Variants in DOCK8 observed in about 807,000 individuals in gnomAD.
DOCK8 encodes the protein dedicator of cytokinesis 8.
DOCK8 carries 141 observed loss-of-function variants against 245.6 expected under a neutral mutation model. That is an observed-to-expected ratio of 0.57 (90% CI 0.50 to 0.66). The LOEUF is 0.66. Ranked by LOEUF, DOCK8 falls within the 30% of genes least tolerant of loss-of-function variation. The pLI, the probability that DOCK8 is intolerant of heterozygous loss-of-function variation, is 0.00. For synonymous variants in DOCK8, 1,168 were observed against 970.2 expected (o/e 1.20, Z -3.79); for missense variants, 2,965 against 2,603.4 (o/e 1.14, Z -3.02).
At chr9:403,976 G>GTGTATATATATATA in intron 26 of DOCK8, among the ~76,000 whole-genome samples, 1 of 66,898 alleles carries the variant, frequency 1.5e-5, no homozygotes, top group Non-Finnish European at 2.5e-5. Flanking sequence ...ATATATATAT[G>GTGTATATATATATA]TGTATATATA....
At chr9:389,387 A>T (rs892851410) in intron 23 of DOCK8, among the ~76,000 whole-genome samples, 8 of 152,222 alleles carry the variant, frequency 5.3e-5, no homozygotes, top group Admixed American at 2.6e-4. Flanking sequence ...GGACTTTCCA[A>T]GCATCTGGCC....
chr9:435,314 C>A (rs564634068), intron 39 of DOCK8, among the ~76,000 whole-genome samples: 3 of 152,212 alleles, frequency 2.0e-5, no homozygotes, highest in African/African-American at 7.2e-5. Context: ...TGGCACCTAG[C>A]CATTATTAAT....
chr9:345,706 T>C (rs988212786), intron 14 of DOCK8, among the ~76,000 whole-genome samples: 35 of 152,312 alleles, frequency 2.3e-4, no homozygotes, highest in African/African-American at 8.2e-4. Flanking sequence ...TCACTGCCTC[T>C]TTTCTTTGCC....
At position 376,993 on chromosome 9, in the gene DOCK8, A is replaced by C. The variant is rs753505087; in HGVS notation, c.2222A>C (p.Lys741Thr). 3.1e-6 allele frequency: 5 copies of C among 1,614,044 alleles called. No individual in the cohort carries two copies. Among genetic ancestry groups the C allele is most frequent in the Non-Finnish European group, 4.2e-6 (5 of 1,179,970 alleles). ...CCTTCGCAGGACAACCACCTGGAGA[A>C]GTTCTTCACCCTCTGCCACTCCCTG... ...SVHTQDNHLEKFFTLCHSLES... is the reference protein window; with the variant it reads ...SVHTQDNHLETFFTLCHSLES... Residue 741 changes from lysine to threonine, a missense_variant, in exon 20 of 48, where the codon AAG becomes ACG. By Grantham distance (78) the Lys-to-Thr change is moderately conservative. Around this residue, in one of 3 missense-constraint regions of DOCK8, gnomAD observed 2,825 missense variants for 2,453.5 expected, o/e 1.15. Transcript: ENST00000432829.
intron 24 of DOCK8, among the ~76,000 whole-genome samples, chr9:395,747 G>C (rs1447454265): frequency 1.3e-5 from 2 of 151,990 alleles, no homozygotes; most frequent in African/African-American, 4.8e-5. Context: ...GAATCTCCTG[G>C]CCCCAAGAAG....
intron 24 of DOCK8, among the ~76,000 whole-genome samples, chr9:393,912 C>T (rs779657896): frequency 1.3e-5 from 2 of 152,102 alleles, no homozygotes; most frequent in Non-Finnish European, 2.9e-5. Context: ...TGGTGAGAGC[C>T]CCCAGGGTAC....
At chr9:400,826 A>T (rs1364399914) in intron 26 of DOCK8, among the ~76,000 whole-genome samples, 5 of 25,578 alleles carry the variant, frequency 2.0e-4, no homozygotes, top group Non-Finnish European at 1.3e-4. Context: ...CACCTCCACC[A>T]TCACCATCAC....
At chr9:301,297 CATGTTAAAAACCCTCA>C (rs1399872849) in intron 4 of DOCK8, among the ~76,000 whole-genome samples, 1 of 152,200 alleles carries the variant, frequency 6.6e-6, no homozygotes, top group East Asian at 1.9e-4. Context: ...AACATCCCTT[CATGTTAAAAACCCTCA>C]ACAAATTAGG....
rs182244511 is a variant in DOCK8 at position 244,154 on chromosome 9, C to G, written c.54-27473C>G. On this transcript the variant is annotated intron_variant, in intron 1 of 47. Coordinates refer to ENST00000432829, the MANE Select transcript of DOCK8 (RefSeq NM_203447.4). ...AGTGAGCAGAGATCGCGCCACTGCA[C>G]TCCAGCCTGGGTGACAGAGCCAGAC... 1.5e-4 allele frequency among the ~76,000 whole-genome samples: 22 copies of G among 146,010 alleles called. No homozygotes were observed. The East Asian group carries it at 4.5e-3, about 30-fold the overall frequency.
intron 1 of DOCK8, among the ~76,000 whole-genome samples, chr9:239,313 G>C (rs471756): frequency 0.57 from 86,353 of 152,000 alleles, 24,852 homozygotes; most frequent in East Asian, 0.78. Flanking sequence ...TTCCCCTGGA[G>C]CTCACATTTT....
intron 39 of DOCK8, among the ~76,000 whole-genome samples, chr9:439,028 A>G (rs1422758836): frequency 6.6e-6 from 1 of 152,194 alleles, no homozygotes; most frequent in East Asian, 1.9e-4. Flanking sequence ...CTAATGGTTA[A>G]AAAGAAAAAC....
At chr9:215,484 A>T in intron 1 of DOCK8, 1 of 1,470,454 alleles carries the variant, frequency 6.8e-7, no homozygotes, top group Non-Finnish European at 9.0e-7. Flanking sequence ...GCAGGCTGCA[A>T]GCCTTCTGTC....
At chr9:302,758 A>G (rs879859030) in intron 4 of DOCK8, among the ~76,000 whole-genome samples, 1 of 152,328 alleles carries the variant, frequency 6.6e-6, no homozygotes, top group Middle Eastern at 3.4e-3. Flanking sequence ...GCTTAACATC[A>G]CTAATCATTA....
intron 4 of DOCK8, among the ~76,000 whole-genome samples, chr9:290,796 T>G (rs889963601): frequency 6.6e-6 from 1 of 152,196 alleles, no homozygotes; most frequent in Non-Finnish European, 1.5e-5. Flanking sequence ...TATACCTCAG[T>G]AAGAATTACT....
intron 4 of DOCK8, 34 bp downstream of exon 4, chr9:289,615 A>G: frequency 6.5e-7 from 1 of 1,544,464 alleles, no homozygotes; most frequent in Non-Finnish European, 8.9e-7. Context: ...TTGTATATAA[A>G]TATTAATTTT....
chr9:331,673 GC>G (rs1416039299), intron 9 of DOCK8, among the ~76,000 whole-genome samples: 6 of 152,198 alleles, frequency 3.9e-5, no homozygotes, highest in Non-Finnish European at 5.9e-5. Flanking sequence ...TAAATATGGT[GC>G]CCAAATTTAT....
chr9:212,726 A>C (rs2046639497), upstream of DOCK8: 1 of 152,226 alleles, frequency 6.6e-6, no homozygotes, highest in Non-Finnish European at 1.5e-5. Flanking sequence ...CCAAATACTA[A>C]ATCTATTGCA....
chr9:457,592 G>C (rs1392255361), intron 46 of DOCK8, among the ~76,000 whole-genome samples: 1 of 152,186 alleles, frequency 6.6e-6, no homozygotes, highest in Non-Finnish European at 1.5e-5. Context: ...ATTGGCCTGG[G>C]AGCAGCAGGA....
At chr9:438,211 G>T in intron 39 of DOCK8, among the ~76,000 whole-genome samples, 1 of 152,216 alleles carries the variant, frequency 6.6e-6, no homozygotes, top group African/African-American at 2.4e-5. Context: ...AGGCCAGAAG[G>T]CAGACAGCTT....
Sources: gnomAD v4.1 joint callset for allele counts (sites outside exome capture counted in the v4.1 genomes callset) on GRCh38, gnomAD v4.1.1 for gene constraint, gnomAD v4.1.1 regional missense constraint, MANE v1.5 for transcripts, NCBI Gene and HGNC (gene_info 2026-07-23, HGNC 2026-07-21) for gene names.